Variants in NTM observed in about 807,000 individuals in gnomAD.
The protein encoded by NTM is IgLON family member 2.
A neutral mutation model predicts 42.1 loss-of-function variants in NTM; 13 were observed. The observed-to-expected ratio is 0.31, with a 90% CI of 0.20 to 0.49. The LOEUF (loss-of-function observed/expected upper bound fraction) is 0.49, where lower values mean the gene tolerates loss of function less well. NTM is among the 20% of genes least tolerant of loss of function. NTM has a pLI of 0.99. For synonymous variants in NTM, 187 were observed against 179.2 expected (o/e 1.04, Z -0.35); for missense variants, 373 against 452.8 (o/e 0.82, Z 1.60).
At chr11:132,080,214 G>A (rs527253221) in intron 2 of NTM, among the ~76,000 whole-genome samples, 47 of 152,178 alleles carry the variant, frequency 3.1e-4, no homozygotes, top group Non-Finnish European at 4.9e-4. Flanking sequence ...ATGCCCCCTG[G>A]CCCTCCCATT....
chr11:131,597,277 C>T (rs1467597849), intron 1 of NTM, among the ~76,000 whole-genome samples: 2 of 152,130 alleles, frequency 1.3e-5, no homozygotes, highest in African/African-American at 2.4e-5. Flanking sequence ...CTGTCTGTGG[C>T]ACTTGCTCTG....
chr11:132,327,091 A>C (rs778271046), intron 7 of NTM, among the ~76,000 whole-genome samples: 36 of 152,296 alleles, frequency 2.4e-4, no homozygotes, highest in Non-Finnish European at 3.4e-4. Context: ...ATTGCATGTC[A>C]CCTCTCCTAT....
chr11:131,953,678 A>T (rs777274037), intron 2 of NTM, among the ~76,000 whole-genome samples: 4 of 152,180 alleles, frequency 2.6e-5, no homozygotes, highest in Non-Finnish European at 5.9e-5. Flanking sequence ...ACTGGACAAA[A>T]TACAAAATGA....
intron 1 of NTM, among the ~76,000 whole-genome samples, chr11:131,425,730 G>C (rs1288188812): frequency 6.6e-6 from 1 of 152,184 alleles, no homozygotes; most frequent in Non-Finnish European, 1.5e-5. Context: ...GGGCTGATCA[G>C]TATCTATAGG....
intron 1 of NTM, among the ~76,000 whole-genome samples, chr11:131,764,869 C>A (rs2084859428): frequency 6.6e-6 from 1 of 152,126 alleles, no homozygotes; most frequent in Admixed American, 6.5e-5. Context: ...AGAGAGCTAA[C>A]CTCTAACACA....
At chr11:131,690,866 A>C (rs1007622344) in intron 1 of NTM, among the ~76,000 whole-genome samples, 41 of 152,146 alleles carry the variant, frequency 2.7e-4, no homozygotes, top group African/African-American at 9.6e-4. Context: ...TGTCCTGTCC[A>C]CCCCGTCACT....
intron 2 of NTM, among the ~76,000 whole-genome samples, chr11:132,013,329 C>T (rs188021425): frequency 5.3e-5 from 8 of 152,172 alleles, no homozygotes; most frequent in African/African-American, 1.4e-4. Context: ...GAAAAGAAGC[C>T]GTTAAATGTT....
chr11:131,940,234 T>A (rs776715531), intron 2 of NTM, among the ~76,000 whole-genome samples: 3 of 152,170 alleles, frequency 2.0e-5, no homozygotes, highest in Non-Finnish European at 2.9e-5. Context: ...TTATATTTAC[T>A]CCTGATCTAA....
intron 1 of NTM, among the ~76,000 whole-genome samples, chr11:131,881,076 CCCATGGTCTGCTTT>C (rs1364650162): frequency 1.3e-5 from 2 of 152,094 alleles, no homozygotes; most frequent in African/African-American, 2.4e-5. Flanking sequence ...AGTGTATTCC[CCCATGGTCTGCTTT>C]CCTACACAAA....
intron 2 of NTM, among the ~76,000 whole-genome samples, chr11:131,977,832 A>C (rs2064640062): frequency 6.6e-6 from 1 of 152,238 alleles, no homozygotes; most frequent in Non-Finnish European, 1.5e-5. Context: ...TCAGGGACCC[A>C]TTAACAGCTC....
At chr11:131,473,864 G>A (rs114867106) in intron 1 of NTM, among the ~76,000 whole-genome samples, 1,651 of 152,198 alleles carry the variant, frequency 0.011, 43 homozygotes, top group African/African-American at 0.035. Flanking sequence ...CATCTCTGGC[G>A]TCTTCAATCT....
intron 3 of NTM, among the ~76,000 whole-genome samples, chr11:132,171,185 G>A (rs1250012351): frequency 6.6e-6 from 1 of 152,146 alleles, no homozygotes; most frequent in Non-Finnish European, 1.5e-5. Context: ...CCCCAGGGCA[G>A]CACAAGCTCA....
intron 1 of NTM, among the ~76,000 whole-genome samples, chr11:131,589,129 A>T (rs1424683281): frequency 6.6e-6 from 1 of 151,182 alleles, no homozygotes; most frequent in Non-Finnish European, 1.5e-5. Context: ...TTAACACAGC[A>T]GTTATACAGG....
At chr11:131,941,560 C>T (rs1342679722) in intron 2 of NTM, among the ~76,000 whole-genome samples, 1 of 152,174 alleles carries the variant, frequency 6.6e-6, no homozygotes, top group African/African-American at 2.4e-5. Flanking sequence ...ACCTGGAAGG[C>T]AGGGTGTATG....
chr11:132,209,048 G>C (rs955724434), intron 3 of NTM, among the ~76,000 whole-genome samples: 2 of 152,106 alleles, frequency 1.3e-5, no homozygotes, highest in African/African-American at 4.8e-5. Flanking sequence ...GTGGGGGAAG[G>C]AGGTGGCTGG....
chr11:131,714,406 G>A (rs1004298947), intron 1 of NTM, among the ~76,000 whole-genome samples: 6 of 151,972 alleles, frequency 3.9e-5, no homozygotes, highest in East Asian at 1.9e-4. Context: ...GGCCAGGCTC[G>A]TCTTGAACTC....
At chr11:132,039,854 A>G (rs1315875820) in intron 2 of NTM, among the ~76,000 whole-genome samples, 2 of 152,138 alleles carry the variant, frequency 1.3e-5, no homozygotes, top group African/African-American at 4.8e-5. Context: ...CATGAAATCT[A>G]CCATATTCAC....
At chr11:131,531,301 GC>G (rs537986556) in intron 1 of NTM, among the ~76,000 whole-genome samples, 20 of 152,152 alleles carry the variant, frequency 1.3e-4, no homozygotes, top group African/African-American at 4.8e-4. Flanking sequence ...ACCATGCTCT[GC>G]TAATTTTTTT....
chr11:131,971,414 T>A (rs956950117), intron 2 of NTM, among the ~76,000 whole-genome samples: 1 of 152,170 alleles, frequency 6.6e-6, no homozygotes, highest in Non-Finnish European at 1.5e-5. Context: ...CCTATCTTTT[T>A]CTTGTAGATT....
Sources: allele counts gnomAD v4.1 joint callset (sites outside exome capture counted in the v4.1 genomes callset), GRCh38; gene constraint gnomAD v4.1.1; transcripts MANE v1.5; gene names NCBI Gene and HGNC (gene_info 2026-07-23, HGNC 2026-07-21).